The following NCOA7 variants were observed in gnomAD, a reference collection of about 807,000 sequenced individuals.
NCOA7 encodes the protein 140 kDa estrogen receptor-associated protein.
In NCOA7, 45 loss-of-function variants were observed where a neutral mutation model predicts 104.3. The observed-to-expected ratio is 0.43, with a 90% CI of 0.34 to 0.55. The LOEUF is 0.55. Ranked by LOEUF, NCOA7 falls within the 20% of genes least tolerant of loss-of-function variation. The pLI is 0.02. For missense variants in NCOA7, 1,041 were observed against 1,119.7 expected (o/e 0.93, Z 1.00); for synonymous variants, 398 against 402.3 (o/e 0.99, Z 0.13).
intron 2 of NCOA7, among the ~76,000 whole-genome samples, chr6:125,854,456 A>G (rs568381636): frequency 6.6e-6 from 1 of 152,292 alleles, no homozygotes; most frequent in African/African-American, 2.4e-5. Flanking sequence ...TCATTATGGC[A>G]TTTTCTATTT....
At chr6:125,895,963 A>ATGTG (rs1317010657) in intron 10 of NCOA7, among the ~76,000 whole-genome samples, 1 of 137,376 alleles carries the variant, frequency 7.3e-6, no homozygotes, top group Admixed American at 7.1e-5. Flanking sequence ...ATATATGTAT[A>ATGTG]TATGTGTGTG....
At chr6:125,920,537 T>C (rs530509554) in intron 11 of NCOA7, among the ~76,000 whole-genome samples, 8 of 152,226 alleles carry the variant, frequency 5.3e-5, no homozygotes, top group Non-Finnish European at 1.2e-4. Flanking sequence ...GCAGCTATAC[T>C]AAAACTGGAA....
chr6:125,921,035 C>T lies in NCOA7; in HGVS notation c.2337C>T (p.His779=). Residue 779 remains histidine, a synonymous_variant, in exon 12 of 16, where the codon CAC becomes CAT. Transcript: ENST00000392477. Reference sequence around the variant, plus strand: ...AGGTGCTGCCTGTCCTACGGCCCCACAGCGCGCTCCTGGAGAATATGCACA... The same window carrying T: ...AGGTGCTGCCTGTCCTACGGCCCCATAGCGCGCTCCTGGAGAATATGCACA... ...DEEVLPVLRP[H]SALLENMHIE... The T allele has an allele frequency of 6.2e-7, 1 of 1,613,800 alleles. No homozygotes were observed. The highest frequency in any genetic ancestry group is 8.5e-7 in the Non-Finnish European group (1 of 1,179,834).
At chr6:125,872,761 G>A (rs1273769567) in intron 3 of NCOA7, among the ~76,000 whole-genome samples, 4 of 152,178 alleles carry the variant, frequency 2.6e-5, no homozygotes, top group African/African-American at 4.8e-5. Context: ...CATAAGATTC[G>A]TAAAATATGG....
intron 3 of NCOA7, among the ~76,000 whole-genome samples, chr6:125,874,299 T>G (rs1320563817): frequency 1.3e-5 from 2 of 152,198 alleles, no homozygotes; most frequent in Non-Finnish European, 2.9e-5. Flanking sequence ...CACTCCAGCC[T>G]GGGTGACAGA....
chr6:125,882,677 GCATCC>G, intron 7 of NCOA7, 126 bp downstream of exon 7: 1 of 1,153,160 alleles, frequency 8.7e-7, no homozygotes, highest in Non-Finnish European at 1.2e-6. Flanking sequence ...GGTTTGACAA[GCATCC>G]ATTAGTTTTC....
chr6:125,916,720 G>A (rs2128691627), intron 11 of NCOA7, among the ~76,000 whole-genome samples: 1 of 152,212 alleles, frequency 6.6e-6, no homozygotes, highest in East Asian at 1.9e-4. Context: ...TGCAATCCTG[G>A]ATGAACCCAC....
chr6:125,908,408 G>T (rs1451882986), intron 10 of NCOA7, among the ~76,000 whole-genome samples: 1 of 152,144 alleles, frequency 6.6e-6, no homozygotes, highest in East Asian at 1.9e-4. Context: ...TCCTAAAATG[G>T]TTATGGCAAG....
At chr6:125,870,475 C>G (rs949275668) in intron 3 of NCOA7, among the ~76,000 whole-genome samples, 1 of 152,176 alleles carries the variant, frequency 6.6e-6, no homozygotes, top group African/African-American at 2.4e-5. Context: ...TTGCTTTTCC[C>G]CCTTTATATC....
intron 3 of NCOA7, 87 bp downstream of exon 3, chr6:125,855,327 T>C (rs768374255): frequency 6.5e-6 from 7 of 1,071,238 alleles, no homozygotes; most frequent in Non-Finnish European, 6.8e-6. Flanking sequence ...TTGATCATAA[T>C]AATGGTAACA....
At chr6:125,784,431 G>A (rs961840842) in intron 1 of NCOA7, among the ~76,000 whole-genome samples, 2 of 152,100 alleles carry the variant, frequency 1.3e-5, no homozygotes, top group African/African-American at 4.8e-5. Context: ...ACATATACAT[G>A]CTGATGGAAT....
chr6:125,876,718 A>C (rs967579971), intron 4 of NCOA7, among the ~76,000 whole-genome samples: 6 of 152,152 alleles, frequency 3.9e-5, no homozygotes, highest in Non-Finnish European at 7.3e-5. Context: ...TTTATTTGAC[A>C]AGTTGGTTTT....
chr6:125,795,205 C>T (rs1361824236), intron 1 of NCOA7, among the ~76,000 whole-genome samples: 1 of 152,172 alleles, frequency 6.6e-6, no homozygotes, highest in Non-Finnish European at 1.5e-5. Flanking sequence ...TTGGTACAGT[C>T]TGGTAGCCTT....
intron 2 of NCOA7, among the ~76,000 whole-genome samples, chr6:125,823,243 A>G (rs1484812244): frequency 2.6e-5 from 4 of 152,196 alleles, no homozygotes; most frequent in Admixed American, 1.3e-4. Flanking sequence ...GGGCCTATTC[A>G]ATAGTGGTTG....
intron 3 of NCOA7, among the ~76,000 whole-genome samples, chr6:125,857,440 TA>T (rs201222997): frequency 0.047 from 5,266 of 113,218 alleles, 299 homozygotes; most frequent in African/African-American, 0.2. Flanking sequence ...TATATATATA[TA>T]TTTTTTTTTT....
chr6:125,882,720 A>C (rs1783944788), intron 7 of NCOA7, 169 bp downstream of exon 7: 1 of 680,534 alleles, frequency 1.5e-6, no homozygotes, highest in South Asian at 2.0e-5. Flanking sequence ...AATTTTACTT[A>C]CTGAGGTAAA....
At chr6:125,807,046 C>G (rs534326625) in intron 1 of NCOA7, among the ~76,000 whole-genome samples, 1 of 152,284 alleles carries the variant, frequency 6.6e-6, no homozygotes, top group African/African-American at 2.4e-5. Flanking sequence ...GGAAGCCATT[C>G]CATCTGCAGG....
chr6:125,868,324 A>C (rs1439674252), intron 3 of NCOA7, among the ~76,000 whole-genome samples: 1 of 152,220 alleles, frequency 6.6e-6, no homozygotes. Context: ...ATACTACTCT[A>C]TTCACATTGC....
exon 1 of NCOA7, chr6:125,781,193 T>A (rs1291968608): frequency 6.6e-6 from 1 of 152,234 alleles, no homozygotes; most frequent in Non-Finnish European, 1.5e-5. Flanking sequence ...CAGAGGGCAG[T>A]AAGATATAAC....
Sources: allele counts gnomAD v4.1 joint callset (sites outside exome capture counted in the v4.1 genomes callset), GRCh38; gene constraint gnomAD v4.1.1; transcripts MANE v1.5; gene names NCBI Gene and HGNC (gene_info 2026-07-23, HGNC 2026-07-21).